The following ASIC2 variants were observed in gnomAD, a reference collection of about 807,000 sequenced individuals.
ASIC2 encodes acid sensing ion channel subunit 2.
Under a neutral mutation model 57.3 loss-of-function variants are expected in ASIC2, and 25 were observed. That is an observed-to-expected ratio of 0.44 (90% CI 0.32 to 0.61). The LOEUF is 0.61. Among genes scored for constraint, ASIC2 ranks in the 20% least tolerant of loss-of-function variants. The pLI, the probability that ASIC2 is intolerant of heterozygous loss-of-function variation, is 0.06. For synonymous variants in ASIC2, 319 were observed against 307.5 expected, an observed-to-expected ratio of 1.04 and a Z score of -0.39; for missense variants, 641 against 738.1, an observed-to-expected ratio of 0.87 and a Z score of 1.52.
At chr17:33,458,289 G>C (rs1053877732) in intron 1 of ASIC2, among the ~76,000 whole-genome samples, 1 of 152,236 alleles carries the variant, frequency 6.6e-6, no homozygotes, top group Non-Finnish European at 1.5e-5. Context: ...GTAGATTGAG[G>C]ATCATTGGAG....
intron 1 of ASIC2, among the ~76,000 whole-genome samples, chr17:33,760,713 T>A (rs893347139): frequency 6.6e-6 from 1 of 152,166 alleles, no homozygotes; most frequent in Admixed American, 6.5e-5. Flanking sequence ...TACATAATTA[T>A]AAGGTGTATT....
In ASIC2 at chr17:33,292,024, G is replaced by A; in HGVS notation, c.92C>T (p.Ala31Val). ...CCCGGGCTGCCCGGCAGCCGCCAACGCCGCGGGCGCCGGCTCCTCGCGGGC... is the reference window on the plus strand; with the variant it reads ...CCCGGGCTGCCCGGCAGCCGCCAACACCGCGGGCGCCGGCTCCTCGCGGGC... Reference protein sequence around the residue: ...RMAREEPAPAALAAAGQPGGG... With the variant: ...RMAREEPAPAVLAAAGQPGGG... Residue 31 changes from alanine (A) to valine (V), a missense_variant, in exon 1 of 10, where the codon GCG (alanine) becomes GTG (valine). Ala to Val is a moderately conservative substitution (Grantham distance 64). Around this residue, in one of 3 missense-constraint regions of ASIC2, gnomAD observed 382 missense variants for 398.0 expected, o/e 0.96. Transcript: ENST00000225823. 8.5e-7 allele frequency: 1 copy of A among 1,177,282 alleles called. No individual in the cohort carries two copies. The highest frequency in any genetic ancestry group is 1.0e-6 in the Non-Finnish European group (1 of 958,322). The allele number at this position is 1,177,282 out of a possible 1,614,324, so 72.9% of individuals were successfully genotyped here. A position where few individuals can be genotyped will look rare whatever the true frequency, so the allele number is the denominator to read the frequency against.
chr17:33,103,249 C>G (rs771735861), intron 2 of ASIC2, among the ~76,000 whole-genome samples: 1 of 152,084 alleles, frequency 6.6e-6, no homozygotes, highest in Non-Finnish European at 1.5e-5. Context: ...TATCAAAAGG[C>G]GTATATGGTG....
intron 1 of ASIC2, among the ~76,000 whole-genome samples, chr17:33,126,522 C>T (rs578071580): frequency 3.7e-4 from 57 of 152,264 alleles, no homozygotes; most frequent in African/African-American, 1.2e-3. Context: ...GCATGGCTCA[C>T]GCCTATAATC....
chr17:34,066,258 G>A (rs905136997), intron 1 of ASIC2, among the ~76,000 whole-genome samples: 3 of 152,198 alleles, frequency 2.0e-5, no homozygotes, highest in Admixed American at 1.3e-4. Context: ...ACAGGCAATG[G>A]TCTGGAACCA....
intron 1 of ASIC2, among the ~76,000 whole-genome samples, chr17:33,119,698 G>A (rs1456494318): frequency 6.6e-6 from 1 of 152,214 alleles, no homozygotes; most frequent in Non-Finnish European, 1.5e-5. Context: ...AAGAAGTGCT[G>A]CATGGCTGTG....
intron 1 of ASIC2, among the ~76,000 whole-genome samples, chr17:33,538,572 C>T (rs1056013385): frequency 6.6e-6 from 1 of 152,242 alleles, no homozygotes; most frequent in South Asian, 2.1e-4. Flanking sequence ...CCCAGTTCCT[C>T]TGACTCAGCC....
chr17:33,814,595 G>T (rs1463794576), intron 1 of ASIC2, among the ~76,000 whole-genome samples: 1 of 152,244 alleles, frequency 6.6e-6, no homozygotes, highest in South Asian at 2.1e-4. Flanking sequence ...CTTCTACATT[G>T]GGTGTACAAG....
intron 1 of ASIC2, among the ~76,000 whole-genome samples, chr17:33,167,230 C>T (rs997236250): frequency 6.6e-6 from 1 of 152,160 alleles, no homozygotes; most frequent in Non-Finnish European, 1.5e-5. Context: ...AGCACTGCTT[C>T]CTCCTACTTG....
intron 1 of ASIC2, among the ~76,000 whole-genome samples, chr17:33,130,887 A>G (rs937909620): frequency 6.6e-6 from 1 of 152,192 alleles, no homozygotes; most frequent in African/African-American, 2.4e-5. Context: ...ACAGATTTGG[A>G]ACACAGTCTG....
At chr17:33,176,610 G>A (rs1437353050) in intron 1 of ASIC2, among the ~76,000 whole-genome samples, 1 of 152,226 alleles carries the variant, frequency 6.6e-6, no homozygotes. Context: ...CTCCCAAAGT[G>A]CAGGGATTAC....
intron 1 of ASIC2, among the ~76,000 whole-genome samples, chr17:33,619,261 A>G (rs901347608): frequency 3.3e-5 from 5 of 152,174 alleles, no homozygotes; most frequent in Non-Finnish European, 5.9e-5. Context: ...ATTTCCATAT[A>G]CTTTTTATTT....
intron 1 of ASIC2, among the ~76,000 whole-genome samples, chr17:33,775,154 GT>G (rs1367002653): frequency 3.9e-5 from 6 of 152,226 alleles, no homozygotes; most frequent in African/African-American, 1.2e-4. Flanking sequence ...AACAGGGAGG[GT>G]TAACTTTGTT....
chr17:33,262,921 G>T (rs1909336758), intron 1 of ASIC2, among the ~76,000 whole-genome samples: 1 of 152,200 alleles, frequency 6.6e-6, no homozygotes, highest in Non-Finnish European at 1.5e-5. Flanking sequence ...CGTGGAATGA[G>T]GGGTAGACAT....
intron 1 of ASIC2, among the ~76,000 whole-genome samples, chr17:34,136,588 C>T (rs1912133682): frequency 6.6e-6 from 1 of 152,184 alleles, no homozygotes; most frequent in Non-Finnish European, 1.5e-5. Flanking sequence ...ACTTGGAAGG[C>T]CCCCTTCCCT....
chr17:33,374,435 T>G (rs1909202029), intron 1 of ASIC2, among the ~76,000 whole-genome samples: 1 of 152,178 alleles, frequency 6.6e-6, no homozygotes, highest in Admixed American at 6.5e-5. Context: ...CACACCCCTA[T>G]GATTTCATCC....
At chr17:34,029,040 G>A (rs80340876) in intron 1 of ASIC2, among the ~76,000 whole-genome samples, 4,127 of 152,172 alleles carry the variant, frequency 0.027, 193 homozygotes, top group African/African-American at 0.094. Flanking sequence ...CTTTGACTTC[G>A]TTCAAACGAA....
chr17:33,319,429 G>A (rs1464225435), intron 1 of ASIC2, among the ~76,000 whole-genome samples: 2 of 152,210 alleles, frequency 1.3e-5, no homozygotes, highest in African/African-American at 4.8e-5. Flanking sequence ...GACAGCCAGT[G>A]ATGGATGGGG....
intron 1 of ASIC2, among the ~76,000 whole-genome samples, chr17:33,591,197 G>A (rs1904814259): frequency 1.3e-5 from 2 of 152,200 alleles, no homozygotes; most frequent in Non-Finnish European, 2.9e-5. Flanking sequence ...CTGGCTGCCT[G>A]TCTGGTTTCT....
Sources: gnomAD v4.1 joint callset for allele counts (sites outside exome capture counted in the v4.1 genomes callset) on GRCh38, gnomAD v4.1.1 for gene constraint, gnomAD v4.1.1 regional missense constraint, MANE v1.5 for transcripts, NCBI Gene and HGNC (gene_info 2026-07-23, HGNC 2026-07-21) for gene names.